The following VAV3 variants were observed in gnomAD, a reference collection of about 807,000 sequenced individuals.
VAV3 encodes guanine nucleotide exchange factor VAV3.
VAV3 carries 94 observed loss-of-function variants against 131.2 expected under a neutral mutation model. The observed-to-expected ratio is 0.72, with a 90% CI of 0.61 to 0.85. VAV3 has a LOEUF of 0.85. Among genes scored for constraint, VAV3 ranks in the 40% least tolerant of loss-of-function variants. The probability of loss-of-function intolerance (pLI) is 0.00; values close to 1 mark genes in which losing one functional copy is unlikely to be tolerated. For synonymous variants in VAV3, 349 were observed against 342.0 expected (o/e 1.02, Z -0.22); for missense variants, 939 against 1,002.7 (o/e 0.94, Z 0.86).
intron 21 of VAV3, among the ~76,000 whole-genome samples, chr1:107,614,346 T>C (rs1278702612): frequency 6.6e-6 from 1 of 151,990 alleles, no homozygotes; most frequent in Non-Finnish European, 1.5e-5. Flanking sequence ...AATAGAACAT[T>C]CAGCACTACT....
chr1:107,934,297 C>T (rs910336563), intron 1 of VAV3, among the ~76,000 whole-genome samples: 21 of 152,134 alleles, frequency 1.4e-4, no homozygotes, highest in Non-Finnish European at 5.9e-5. Flanking sequence ...GAAACAGATG[C>T]ACCTCTACTT....
chr1:107,597,902 CA>C (rs1651519100), intron 24 of VAV3, among the ~76,000 whole-genome samples: 1 of 152,198 alleles, frequency 6.6e-6, no homozygotes, highest in Non-Finnish European at 1.5e-5. Context: ...TTATAACTTT[CA>C]CTCAAGAACA....
intron 25 of VAV3, among the ~76,000 whole-genome samples, chr1:107,574,963 CTGTGTGTGTGTG>C (rs753834313): frequency 1.5e-4 from 12 of 81,178 alleles, no homozygotes; most frequent in African/African-American, 5.4e-4. Context: ...TTGAGTTTCT[CTGTGTGTGTGTG>C]TGTGTGTGTG....
At chr1:107,583,238 T>C (rs1650211096) in intron 25 of VAV3, among the ~76,000 whole-genome samples, 2 of 152,176 alleles carry the variant, frequency 1.3e-5, no homozygotes, top group Non-Finnish European at 2.9e-5. Flanking sequence ...TTCATGTCCT[T>C]TGCCCACTTT....
intron 2 of VAV3, among the ~76,000 whole-genome samples, chr1:107,851,096 G>A (rs72707744): frequency 0.083 from 12,495 of 151,366 alleles, 801 homozygotes; most frequent in Non-Finnish European, 0.12. Flanking sequence ...CAAAGAAGCC[G>A]GCCCTCCGGA....
intron 15 of VAV3, among the ~76,000 whole-genome samples, chr1:107,738,159 A>T (rs1662784071): frequency 6.6e-6 from 1 of 152,170 alleles, no homozygotes; most frequent in Non-Finnish European, 1.5e-5. Context: ...GAACAATGAG[A>T]ACACTTGGAC....
At chr1:107,801,536 T>G (rs986481947) in intron 2 of VAV3, among the ~76,000 whole-genome samples, 13 of 152,150 alleles carry the variant, frequency 8.5e-5, no homozygotes, top group Admixed American at 7.9e-4. Context: ...CTTAGAAGTA[T>G]GCACCTGTAA....
At chr1:107,897,204 T>C (rs1389150139) in intron 1 of VAV3, 1 of 151,608 alleles carries the variant, frequency 6.6e-6, no homozygotes, top group Non-Finnish European at 1.5e-5. Flanking sequence ...AGTAAATATA[T>C]ATTGAACAAC....
chr1:107,686,320 A>T (rs985519326), intron 18 of VAV3, among the ~76,000 whole-genome samples: 1 of 152,060 alleles, frequency 6.6e-6, no homozygotes, highest in African/African-American at 2.4e-5. Context: ...TGCAAAATTT[A>T]AAAAAAATTC....
At chr1:107,787,954 C>T (rs1483741721) in intron 2 of VAV3, among the ~76,000 whole-genome samples, 1 of 152,096 alleles carries the variant, frequency 6.6e-6, no homozygotes, top group Non-Finnish European at 1.5e-5. Flanking sequence ...AATGACCCCA[C>T]AATCCCACTC....
intron 20 of VAV3, among the ~76,000 whole-genome samples, chr1:107,622,234 T>C (rs1653662273): frequency 6.6e-6 from 1 of 152,170 alleles, no homozygotes; most frequent in African/African-American, 2.4e-5. Context: ...GTTTTAACTA[T>C]TCTTCATTTT....
chr1:107,757,230 T>C (rs766632709), intron 11 of VAV3, 31 bp downstream of exon 11: 12 of 1,593,030 alleles, frequency 7.5e-6, no homozygotes, highest in Middle Eastern at 1.7e-4. Context: ...GAATAAAAAA[T>C]ACAAACAAAT....
chr1:107,877,141 G>A (rs1409938799), intron 1 of VAV3, among the ~76,000 whole-genome samples: 1 of 152,070 alleles, frequency 6.6e-6, no homozygotes, highest in Non-Finnish European at 1.5e-5. Context: ...AAAGGCAGCA[G>A]GTAATCAGCA....
chr1:107,852,084 G>A (rs1477415440), intron 2 of VAV3, among the ~76,000 whole-genome samples: 2 of 152,118 alleles, frequency 1.3e-5, no homozygotes, highest in African/African-American at 4.8e-5. Flanking sequence ...GGATTCTGGT[G>A]CTAAGCAACT....
At chr1:107,961,802 G>A (rs1320269449) in intron 1 of VAV3, among the ~76,000 whole-genome samples, 1 of 152,130 alleles carries the variant, frequency 6.6e-6, no homozygotes, top group African/African-American at 2.4e-5. Flanking sequence ...TATTTTGAAA[G>A]ATAATCAACT....
At chr1:107,585,464 C>G (rs975139277) in intron 25 of VAV3, among the ~76,000 whole-genome samples, 49 of 152,126 alleles carry the variant, frequency 3.2e-4, no homozygotes, top group African/African-American at 1.1e-3. Context: ...CCTGTTTCTT[C>G]AAGGGTAAAA....
At chr1:107,610,818 T>A (rs983702076) in intron 21 of VAV3, among the ~76,000 whole-genome samples, 1 of 152,168 alleles carries the variant, frequency 6.6e-6, no homozygotes, top group Non-Finnish European at 1.5e-5. Context: ...CGAATAGGAG[T>A]ACAGATAGTT....
chr1:107,926,734 T>C (rs1557928944), intron 1 of VAV3, among the ~76,000 whole-genome samples: 1 of 152,112 alleles, frequency 6.6e-6, no homozygotes, highest in African/African-American at 2.4e-5. Flanking sequence ...AGTCCGCCCA[T>C]GAAGGGAGTA....
chr1:107,856,154 G>C (rs1425030766), intron 2 of VAV3, among the ~76,000 whole-genome samples: 2 of 152,160 alleles, frequency 1.3e-5, no homozygotes, highest in African/African-American at 4.8e-5. Context: ...GTCAGCAGCA[G>C]GACTACTCAA....
Sources: gnomAD v4.1 joint callset for allele counts (sites outside exome capture counted in the v4.1 genomes callset) on GRCh38, gnomAD v4.1.1 for gene constraint, MANE v1.5 for transcripts, NCBI Gene and HGNC (gene_info 2026-07-23, HGNC 2026-07-21) for gene names.